MYO15A: variants seen among roughly 807,000 people sequenced by gnomAD.
MYO15A encodes myosin XVA, also known as unconventional myosin-XV.
Under a neutral mutation model 394.6 loss-of-function variants are expected in MYO15A, and 308 were observed. The observed-to-expected ratio is 0.78, with a 90% CI of 0.71 to 0.86. The LOEUF (loss-of-function observed/expected upper bound fraction) is 0.86. MYO15A is among the 40% of genes least tolerant of loss of function. The probability of loss-of-function intolerance (pLI) is 0.00; values close to 1 mark genes in which losing one functional copy is unlikely to be tolerated. For synonymous variants in MYO15A, 1,957 were observed against 2,003.8 expected, an observed-to-expected ratio of 0.98 and a Z score of 0.62; for missense variants, 4,606 against 4,799.1, an observed-to-expected ratio of 0.96 and a Z score of 1.19.
Position 18,136,340 on chromosome 17 carries a change from C to T in MYO15A, c.4597-77C>T. 3 of 1,564,948 alleles carry T rather than the reference C, an allele frequency of 1.9e-6. No homozygotes were observed. The South Asian group carries it at 3.3e-5, about 17-fold the overall frequency. ...CCAGCCTCCCTTCTCCATGATCCCA[C>T]TCCCTTAGTCCCCTGGGGGCTTTCC... On this transcript the variant is annotated intron_variant, in intron 13 of 65. Coordinates refer to ENST00000647165, the MANE Select transcript of MYO15A (RefSeq NM_016239.4).
In MYO15A at chr17:18,126,897, TG is replaced by T. The variant is rs1402965588; in HGVS notation, c.3941+37del. 11 of 1,612,300 alleles carry T rather than the reference TG, an allele frequency of 6.8e-6. No homozygotes were observed. The Admixed American group carries it at 1.8e-4, about 27-fold the overall frequency. On this transcript the variant is annotated intron_variant, in intron 6 of 65. Transcript: ENST00000647165. ...GGGCTGCCTTTATGTGGGGGATAAA[TG>T]GGGGACCTTAGGTAGCAGGCCTGCA...
At chr17:18,151,750 G>T in intron 40 of MYO15A, 96 bp from the exon 41 acceptor site, 4 of 1,249,874 alleles carry the variant, frequency 3.2e-6, no homozygotes, top group Non-Finnish European at 4.6e-6. Context: ...ATAATGATAG[G>T]GGGTGGTGGA....
At chr17:18,174,710 G>A (rs1275022969) in intron 65 of MYO15A, among the ~76,000 whole-genome samples, 2 of 152,198 alleles carry the variant, frequency 1.3e-5, no homozygotes, top group African/African-American at 4.8e-5. Flanking sequence ...CCCCACTGAA[G>A]AGATAGGATT....
rs1464053987 is a variant in MYO15A at position 18,178,237 on chromosome 17, G to A, written c.10492-532G>A. 5 of 212,884 alleles carry A rather than the reference G, an allele frequency of 2.3e-5. No homozygotes were observed. The South Asian group carries it at 3.6e-4, about 15-fold the overall frequency. The allele number at this position is 212,884 out of a possible 1,614,324, so 13.2% of individuals were successfully genotyped here. A position where few individuals can be genotyped will look rare whatever the true frequency, so the allele number is the denominator to read the frequency against. ...ATACAAAAATTAGCTGGGCGTGGTG[G>A]TGCATGCCTGTAGTCTCAGCTACTC... On this transcript the variant is annotated intron_variant, in intron 65 of 65. Transcript: ENST00000647165.
chr17:18,164,071 C>T (rs1011214473), intron 60 of MYO15A: 14 of 574,652 alleles, frequency 2.4e-5, no homozygotes, highest in Middle Eastern at 4.7e-4. Context: ...CTCTCTCATC[C>T]CTCCCTTTGT....
In MYO15A at chr17:18,153,819, A is replaced by T; in HGVS notation, c.8011A>T (p.Thr2671Ser). The change falls in exon 43 of 66, where the codon ACG becomes TCG. Residue 2671 changes from threonine (T) to serine (S), a missense_variant. Physicochemically the swap from Thr to Ser is moderately conservative, Grantham distance 58. Around this residue, in one of 2 missense-constraint regions of MYO15A, gnomAD observed 2,776 missense variants for 3,109.3 expected, o/e 0.89. Coordinates refer to ENST00000647165, the MANE Select transcript of MYO15A (RefSeq NM_016239.4). This position sits in a 1 kb window ranked among gnomAD's most constrained non-coding sequence, Gnocchi z 4.1. ...GGAGCCCCCTGAGGAACTCACGCAG[A>T]CGCGGCTGCACCGCCTCATCAATCC... ...SLEPPEELTQTRLHRLINPNF... is the reference protein window; with the variant it reads ...SLEPPEELTQSRLHRLINPNF... 1.2e-6 allele frequency: 2 copies of T among 1,613,620 alleles called. No homozygotes were observed. The highest frequency in any genetic ancestry group is 2.2e-5 in the South Asian group (2 of 91,080).
intron 50 of MYO15A, 87 bp downstream of exon 50, chr17:18,157,317 G>A: frequency 1.3e-6 from 2 of 1,523,952 alleles, no homozygotes; most frequent in Non-Finnish European, 1.8e-6. Flanking sequence ...GGGTTTCTTG[G>A]TGCCCGAAAG....
At chr17:18,162,946 G>A (rs1042234003) in intron 58 of MYO15A, among the ~76,000 whole-genome samples, 6 of 152,220 alleles carry the variant, frequency 3.9e-5, no homozygotes, top group Middle Eastern at 3.2e-3. Flanking sequence ...GTTGCAGTGA[G>A]CCAAGATCGT....
At chr17:18,125,133 G>T in intron 3 of MYO15A, 35 bp from the exon 4 acceptor site, 1 of 1,606,534 alleles carries the variant, frequency 6.2e-7, no homozygotes, top group Non-Finnish European at 8.5e-7. Flanking sequence ...AACCAGCCCT[G>T]GGGGCACTGA....
At chr17:18,109,513 T>C (rs1256489176) in intron 1 of MYO15A, 1 of 152,844 alleles carries the variant, frequency 6.5e-6, no homozygotes, top group African/African-American at 2.4e-5. Flanking sequence ...CAGCTGCGTA[T>C]GCCCAGGTCA....
chr17:18,168,725 C>T (rs1003005286), intron 62 of MYO15A, among the ~76,000 whole-genome samples: 2 of 152,058 alleles, frequency 1.3e-5, no homozygotes, highest in African/African-American at 2.4e-5. Context: ...TTTAAACTGA[C>T]GTTCTCTAAG....
At position 18,121,204 on chromosome 17, in the gene MYO15A, C is replaced by A; in HGVS notation, c.2404C>A (p.Arg802Ser). Reference sequence around the variant, plus strand: ...GCCCCCGTCGCCTCAGCTGTCCTTGCGCACGGGCCCCTTCCAGCCGCCCTT... The same window carrying A: ...GCCCCCGTCGCCTCAGCTGTCCTTGAGCACGGGCCCCTTCCAGCCGCCCTT... ...LAPPSPQLSL[R>S]TGPFQPPFLP... Residue 802 changes from arginine (R) to serine (S), a missense_variant, in exon 2 of 66, where the codon CGC becomes AGC. Arg to Ser is a moderately radical substitution (Grantham distance 110). Coordinates refer to ENST00000647165, the MANE Select transcript of MYO15A (RefSeq NM_016239.4). The surrounding 1 kb of genome is among the most constrained non-coding windows in gnomAD (Gnocchi z 5.3). 3 of 1,501,988 alleles carry A rather than the reference C, an allele frequency of 2.0e-6. No individual in the cohort carries two copies. The highest frequency in any genetic ancestry group is 2.7e-6 in the Non-Finnish European group (3 of 1,132,016). 93.0% of individuals were successfully genotyped at this position (1,501,988 alleles called of 1,614,324 possible).
chr17:18,149,081 T>C, intron 33 of MYO15A, 129 bp downstream of exon 33: 3 of 1,479,606 alleles, frequency 2.0e-6, no homozygotes, highest in Non-Finnish European at 2.8e-6. Context: ...CTTCAGGTTC[T>C]TAAGGAGGTA....
At position 18,141,656 on chromosome 17, in the gene MYO15A, C is replaced by T. The variant is rs1352716260; in HGVS notation, c.5535C>T (p.Tyr1845=). The T allele has an allele frequency of 1.2e-6, 2 of 1,613,914 alleles. No individual in the cohort carries two copies. Among genetic ancestry groups the T allele is most frequent in the Non-Finnish European group, 1.7e-6 (2 of 1,179,910 alleles). ...CTAACTTTGGGCCCCCTACCAGGTA[C>T]TGCTGTCTAGTGGCCCTCAAGCATG... is the stretch of plus-strand genomic sequence containing the variant. The part of the protein sequence containing the change: ...RLPFQGFIDR[Y]CCLVALKHDL... Residue 1845 remains tyrosine (Y), a synonymous_variant, in exon 23 of 66, where the codon TAC becomes TAT. Coordinates refer to ENST00000647165, the MANE Select transcript of MYO15A (RefSeq NM_016239.4).
At chr17:18,167,815 GGCCCTCAGGCT>G (rs1251133986) in intron 62 of MYO15A, 92 bp downstream of exon 62, 9 of 1,558,802 alleles carry the variant, frequency 5.8e-6, no homozygotes, top group African/African-American at 1.4e-5. Context: ...GCAGTCCCCA[GGCCCTCAGGCT>G]CCCCTCTTAT....
Position 18,145,901 on chromosome 17 carries a change from G to C in MYO15A, c.6303G>C (p.Leu2101=), listed in dbSNP as rs1222314481. ...LILRFMGDPH[L]HGARENIFGN... ...TGCGCTTCATGGGCGACCCCCACCT[G>C]CATGGTGCCCGGGAGAACATCTTCG... Residue 2101 remains leucine, a synonymous_variant, in exon 30 of 66, where the codon CTG becomes CTC. Coordinates refer to ENST00000647165, the MANE Select transcript of MYO15A (RefSeq NM_016239.4). The C allele has an allele frequency of 6.2e-7, 1 of 1,613,524 alleles. No individual in the cohort carries two copies. The highest frequency in any genetic ancestry group is 1.6e-4 in the Middle Eastern group (1 of 6,062).
Position 18,120,041 on chromosome 17 carries a change from T to A in MYO15A, c.1241T>A (p.Val414Glu). The A allele has an allele frequency of 6.2e-7, 1 of 1,613,472 alleles. No homozygotes were observed. Among genetic ancestry groups the A allele is most frequent in the Non-Finnish European group, 8.5e-7 (1 of 1,179,970 alleles). The change falls in exon 2 of 66, where the codon GTA becomes GAA. Residue 414 changes from valine to glutamate, a missense_variant. Val to Glu is a moderately radical substitution (Grantham distance 121, BLOSUM62 -2). Coordinates refer to ENST00000647165, the MANE Select transcript of MYO15A (RefSeq NM_016239.4). ...GCTTCGGCCTTTGTGTACCCCTGGG[T>A]ACCACCGCCCATCCCGTCGCCCCAC... ...ESASAFVYPW[V>E]PPPIPSPHNP...
chr17:18,144,598 G>C lies in MYO15A; in HGVS notation c.6273+6G>C, dbSNP rs774868873. 2.7e-5 allele frequency: 44 copies of C among 1,610,832 alleles called. No individual in the cohort carries two copies. The highest frequency in any genetic ancestry group is 3.3e-5 in the Non-Finnish European group (39 of 1,179,900). On this transcript the variant is annotated splice_donor_region_variant and intron_variant, in intron 29 of 65. Transcript: ENST00000647165. ...CCGTGAGCATCTTCAAGCTGGTATG[G>C]GGTCTGCCCCAGCCCACCTTCTAAT...
intron 7 of MYO15A, 75 bp downstream of exon 7, chr17:18,127,240 G>T (rs902894416): frequency 2.6e-6 from 4 of 1,543,044 alleles, no homozygotes; most frequent in East Asian, 4.6e-5. Flanking sequence ...TCCCGAAGAG[G>T]CAAGGCTCCT....
Sources: allele counts gnomAD v4.1 joint callset (sites outside exome capture counted in the v4.1 genomes callset), GRCh38; gene constraint gnomAD v4.1.1; regional missense constraint gnomAD v4.1.1; non-coding constraint Gnocchi (gnomAD v3.1); transcripts MANE v1.5; gene names NCBI Gene and HGNC (gene_info 2026-07-23, HGNC 2026-07-21).